The following RAB27B variants were observed in gnomAD, a reference collection of about 807,000 sequenced individuals.
RAB27B encodes RAB27B, member RAS oncogene family.
In RAB27B, 15 loss-of-function variants were observed where a neutral mutation model predicts 24.6. That is an observed-to-expected ratio of 0.61 (90% CI 0.41 to 0.94). The LOEUF (loss-of-function observed/expected upper bound fraction) is 0.94. Ranked by LOEUF, RAB27B falls within the 40% of genes least tolerant of loss-of-function variation. The pLI, the probability that RAB27B is intolerant of heterozygous loss-of-function variation, is 0.00. For missense variants in RAB27B, 261 were observed against 266.8 expected (o/e 0.98, Z 0.15); for synonymous variants, 105 against 92.5 (o/e 1.14, Z -0.78).
intron 2 of RAB27B, among the ~76,000 whole-genome samples, chr18:54,820,243 A>C (rs1172015155): frequency 6.6e-6 from 1 of 152,184 alleles, no homozygotes; most frequent in Admixed American, 6.5e-5. Context: ...CCAACAGTGT[A>C]AAAGTGTTCC....
intron 1 of RAB27B, among the ~76,000 whole-genome samples, chr18:54,859,449 AT>A (rs1911922852): frequency 6.6e-6 from 1 of 151,612 alleles, no homozygotes; most frequent in African/African-American, 2.4e-5. Context: ...ACTTTCAAAT[AT>A]TTCATAACTT....
At chr18:54,843,298 T>C (rs1911190586) in intron 1 of RAB27B, among the ~76,000 whole-genome samples, 1 of 152,066 alleles carries the variant, frequency 6.6e-6, no homozygotes, top group Non-Finnish European at 1.5e-5. Flanking sequence ...CCCTGTAGAG[T>C]TGATATTTGT....
chr18:54,784,541 G>T (rs1033494121), intron 2 of RAB27B, among the ~76,000 whole-genome samples: 1 of 152,122 alleles, frequency 6.6e-6, no homozygotes, highest in African/African-American at 2.4e-5. Flanking sequence ...TTTAACTCCC[G>T]CTTGTAAGTG....
chr18:54,746,619 G>A lies in RAB27B; in HGVS notation c.-20+28478G>A, dbSNP rs914482904. Among the ~76,000 whole-genome samples the A allele has an allele frequency of 7.9e-5, 12 of 152,142 alleles. No individual in the cohort carries two copies. The South Asian group carries it at 2.3e-3, about 29-fold the overall frequency. On this transcript the variant is annotated intron_variant, in intron 2 of 4. Coordinates refer to the RAB27B transcript ENST00000586570. ...AGCTTACTATTAAGATAGAGAGGCT[G>A]GAATAAATCAGCTTTGATGCAGATT...
chr18:54,790,514 A>G (rs150653465), intron 2 of RAB27B, among the ~76,000 whole-genome samples: 2,947 of 152,286 alleles, frequency 0.019, 102 homozygotes, highest in African/African-American at 0.067. Flanking sequence ...TGTTTTGCAC[A>G]TTAAAGTTTA....
intron 2 of RAB27B, among the ~76,000 whole-genome samples, chr18:54,878,176 C>A (rs1912781869): frequency 6.6e-6 from 1 of 152,176 alleles, no homozygotes; most frequent in African/African-American, 2.4e-5. Context: ...TAAGCTCTTG[C>A]TGCATTTTTA....
intron 1 of RAB27B, among the ~76,000 whole-genome samples, chr18:54,844,818 A>G (rs1911263792): frequency 6.6e-6 from 1 of 151,988 alleles, no homozygotes; most frequent in South Asian, 2.1e-4. Context: ...CAAATTTCAC[A>G]TGTTTATTTT....
chr18:54,780,975 G>A (rs977642562), intron 2 of RAB27B, among the ~76,000 whole-genome samples: 3 of 152,146 alleles, frequency 2.0e-5, no homozygotes, highest in East Asian at 1.9e-4. Flanking sequence ...CAATGCCTGC[G>A]GGTCTGGGAG....
intron 2 of RAB27B, among the ~76,000 whole-genome samples, chr18:54,820,134 C>T (rs914074162): frequency 2.0e-5 from 3 of 152,086 alleles, no homozygotes; most frequent in African/African-American, 4.8e-5. Context: ...GGTATATACC[C>T]GGTAATGGGA....
chr18:54,804,390 G>T (rs1376126332), intron 2 of RAB27B, among the ~76,000 whole-genome samples: 1 of 152,130 alleles, frequency 6.6e-6, no homozygotes, highest in Admixed American at 6.6e-5. Context: ...GATCTGATGG[G>T]TTTATGAGGA....
At chr18:54,878,633 G>A (rs897006034) in intron 2 of RAB27B, among the ~76,000 whole-genome samples, 1 of 152,048 alleles carries the variant, frequency 6.6e-6, no homozygotes, top group Admixed American at 6.6e-5. Flanking sequence ...CTCCTTTCCA[G>A]TATCTGGGTA....
chr18:54,873,442 C>T (rs1035346295), intron 1 of RAB27B, among the ~76,000 whole-genome samples: 2 of 152,186 alleles, frequency 1.3e-5, no homozygotes, highest in Admixed American at 1.3e-4. Flanking sequence ...TTTATATCCA[C>T]AGAACCAAGA....
In RAB27B at chr18:54,790,097, G is replaced by A. The variant is rs185591737; in HGVS notation, c.-20+71956G>A. On this transcript the variant is annotated intron_variant, in intron 2 of 4. Coordinates refer to the RAB27B transcript ENST00000586570. ...TTGAGCAATGAATCATTGAAACCTG[G>A]TCATTCCATTGTCAGGAAAAAAAAG... Among the ~76,000 whole-genome samples, 696 of 152,004 alleles carry A rather than the reference G, an allele frequency of 4.6e-3. 10 individuals carry two copies. Among genetic ancestry groups the A allele is most frequent in the Non-Finnish European group, 7.8e-3 (529 of 67,910 alleles).
At chr18:54,754,430 T>C (rs190217022) in intron 2 of RAB27B, among the ~76,000 whole-genome samples, 2 of 152,310 alleles carry the variant, frequency 1.3e-5, no homozygotes, top group East Asian at 3.9e-4. Flanking sequence ...GCTATATGAA[T>C]ATAAGTTGTT....
At chr18:54,762,654 A>G (rs1186242125) in intron 2 of RAB27B, among the ~76,000 whole-genome samples, 1 of 152,146 alleles carries the variant, frequency 6.6e-6, no homozygotes, top group Non-Finnish European at 1.5e-5. Context: ...AACGTCTTTA[A>G]CATTCTGAAA....
chr18:54,761,864 T>C (rs1908199979), intron 2 of RAB27B, among the ~76,000 whole-genome samples: 2 of 152,144 alleles, frequency 1.3e-5, no homozygotes, highest in Non-Finnish European at 2.9e-5. Context: ...CCCTCCAAAA[T>C]CCATGCCCAC....
At chr18:54,739,189 T>A (rs1833296) in intron 2 of RAB27B, among the ~76,000 whole-genome samples, 7,564 of 152,220 alleles carry the variant, frequency 0.05, 240 homozygotes, top group Admixed American at 0.083. Context: ...GTGTGGTGGC[T>A]CATGCCTGTA....
intron 2 of RAB27B, among the ~76,000 whole-genome samples, chr18:54,762,478 A>G (rs903733945): frequency 3.3e-5 from 5 of 152,146 alleles, no homozygotes; most frequent in African/African-American, 7.2e-5. Context: ...ACTCCCCCAT[A>G]GTCTAACTTT....
intron 1 of RAB27B, among the ~76,000 whole-genome samples, chr18:54,829,555 T>G (rs1482558978): frequency 1.3e-5 from 2 of 152,246 alleles, no homozygotes; most frequent in Non-Finnish European, 1.5e-5. Context: ...AAATTATTGT[T>G]TAATATAATA....
Sources: allele counts gnomAD v4.1 joint callset (sites outside exome capture counted in the v4.1 genomes callset), GRCh38; gene constraint gnomAD v4.1.1; transcripts MANE v1.5; gene names NCBI Gene and HGNC (gene_info 2026-07-23, HGNC 2026-07-21).